Variants in BICD1 observed in about 807,000 individuals in gnomAD.
BICD1 encodes the protein BICD cargo adaptor 1.
Under a neutral mutation model 92.5 loss-of-function variants are expected in BICD1, and 35 were observed. The ratio of observed to expected loss-of-function variants is 0.38; its 90% confidence interval spans 0.29 to 0.50. The LOEUF (loss-of-function observed/expected upper bound fraction) is 0.50. BICD1 is among the 20% of genes least tolerant of loss of function. The pLI is 0.93. For synonymous variants in BICD1, 429 were observed against 465.1 expected (o/e 0.92, Z 1.00); for missense variants, 950 against 1,189.8 (o/e 0.80, Z 2.97).
chr12:32,341,569 T>TTC (rs1938368960), intron 8 of BICD1, among the ~76,000 whole-genome samples: 1 of 152,122 alleles, frequency 6.6e-6, no homozygotes, highest in African/African-American at 2.4e-5. Context: ...ACCTTTATAA[T>TTC]TCTCACCATT....
At chr12:32,304,952 GT>G (rs1948172201) in intron 3 of BICD1, among the ~76,000 whole-genome samples, 1 of 152,190 alleles carries the variant, frequency 6.6e-6, no homozygotes. Context: ...AGCCCGGGAG[GT>G]TGAGGCTGCA....
chr12:32,198,347 T>TATATATATATATATATATTC (rs1441961147), intron 1 of BICD1, among the ~76,000 whole-genome samples: 1 of 141,720 alleles, frequency 7.1e-6, no homozygotes, highest in Non-Finnish European at 1.5e-5. Flanking sequence ...TATATATATA[T>TATATATATATATATATATTC]ATATATTCCA....
rs181329150 is a variant in BICD1 at position 32,365,215 on chromosome 12, C to A, written c.2765-2455C>A. 1.4e-4 allele frequency among the ~76,000 whole-genome samples: 21 copies of A among 152,132 alleles called. No individual in the cohort carries two copies. In the East Asian group the frequency reaches 1.9e-3, roughly 14 times the overall value. ...TTGTGCCATTGCACTCCAGCCTGGGCAACAAGAGCAAAACTCTTGTCTCAA... is the reference window on the plus strand; with the variant it reads ...TTGTGCCATTGCACTCCAGCCTGGGAAACAAGAGCAAAACTCTTGTCTCAA... On this transcript the variant is annotated intron_variant, in intron 8 of 9. Transcript: ENST00000652176.
intron 1 of BICD1, among the ~76,000 whole-genome samples, chr12:32,177,034 G>T (rs1187588577): frequency 6.6e-6 from 1 of 151,248 alleles, no homozygotes; most frequent in East Asian, 1.9e-4. Context: ...CAGTTTTTTG[G>T]CCGGGCATGG....
intron 8 of BICD1, among the ~76,000 whole-genome samples, chr12:32,357,561 T>C (rs2728685): frequency 0.97 from 147,423 of 152,208 alleles, 71,584 homozygotes; most frequent in East Asian, 1. Context: ...GCTTCCATCA[T>C]GAATGACCAC....
chr12:32,371,420 AAAGTT>A (rs1212967464), intron 9 of BICD1, among the ~76,000 whole-genome samples: 3 of 152,348 alleles, frequency 2.0e-5, no homozygotes, highest in Non-Finnish European at 4.4e-5. Context: ...TCTTGGCAGA[AAAGTT>A]AACACATAGC....
At chr12:32,314,181 G>T (rs1241525901) in intron 4 of BICD1, among the ~76,000 whole-genome samples, 2 of 152,142 alleles carry the variant, frequency 1.3e-5, no homozygotes, top group African/African-American at 2.4e-5. Context: ...TCAGTTGATG[G>T]ACACTTTAGT....
chr12:32,229,593 G>A (rs1236324793), intron 2 of BICD1, among the ~76,000 whole-genome samples: 1 of 152,204 alleles, frequency 6.6e-6, no homozygotes, highest in Non-Finnish European at 1.5e-5. Flanking sequence ...GGGGTCATTG[G>A]TCACCTCAGT....
At chr12:32,319,982 C>T (rs915936003) in intron 4 of BICD1, among the ~76,000 whole-genome samples, 4 of 152,192 alleles carry the variant, frequency 2.6e-5, no homozygotes, top group African/African-American at 9.6e-5. Context: ...TCACCACACA[C>T]TCTAAAGTAG....
chr12:32,361,796 T>C (rs1388670311), intron 8 of BICD1, among the ~76,000 whole-genome samples: 5 of 152,134 alleles, frequency 3.3e-5, no homozygotes, highest in African/African-American at 4.8e-5. Context: ...AGGAGACTGT[T>C]TGCCACAAAG....
chr12:32,305,765 G>T lies in BICD1; in HGVS notation c.648G>T (p.Gln216His). 6.2e-7 allele frequency: 1 copy of T among 1,614,176 alleles called. No homozygotes were observed. Among genetic ancestry groups the T allele is most frequent in the African/African-American group, 1.3e-5 (1 of 75,046 alleles). ...AGGAGACGGTACTGCTGAACAGCCAGCTGGAAGATGCCATCCGATTGAAAG... is the reference window on the plus strand; with the variant it reads ...AGGAGACGGTACTGCTGAACAGCCATCTGGAAGATGCCATCCGATTGAAAG... The part of the protein sequence containing the change: ...FEEETVLLNS[Q>H]LEDAIRLKEI... Residue 216 changes from glutamine to histidine, a missense_variant, in exon 4 of 10, where the codon CAG (glutamine) becomes CAT (histidine). Transcript: ENST00000652176.
chr12:32,233,900 G>T (rs1945979515), intron 2 of BICD1, among the ~76,000 whole-genome samples: 1 of 152,034 alleles, frequency 6.6e-6, no homozygotes, highest in South Asian at 2.1e-4. Context: ...ATTCTCCTAA[G>T]GGAATTTACA....
intron 1 of BICD1, among the ~76,000 whole-genome samples, chr12:32,121,089 C>T (rs1300792334): frequency 2.6e-5 from 4 of 151,616 alleles, no homozygotes; most frequent in African/African-American, 4.8e-5. Context: ...CTGCCTCAGC[C>T]TCCCGAGTAG....
chr12:32,373,643 C>A (rs991516519), intron 9 of BICD1, among the ~76,000 whole-genome samples: 9 of 151,458 alleles, frequency 5.9e-5, no homozygotes, highest in African/African-American at 2.2e-4. Flanking sequence ...GAGGCTGAGG[C>A]GGGTGGATCA....
At chr12:32,276,991 C>T (rs989471572) in intron 2 of BICD1, among the ~76,000 whole-genome samples, 1 of 152,046 alleles carries the variant, frequency 6.6e-6, no homozygotes, top group African/African-American at 2.4e-5. Context: ...CTCTGGACGT[C>T]CCCCCCTACT....
rs751235193 is a variant in BICD1 at position 32,337,529 on chromosome 12, G to C, written c.2283G>C (p.Glu761Asp). The change falls in exon 7 of 10, where the codon GAG (glutamate) becomes GAC (aspartate). Residue 761 changes from glutamate (E) to aspartate (D), a missense_variant. By Grantham distance (45) the Glu-to-Asp change is conservative (BLOSUM62 2). Around this residue, in one of 5 missense-constraint regions of BICD1, gnomAD observed 309 missense variants for 499.4 expected, o/e 0.62. Transcript: ENST00000652176. This position sits in a 1 kb window ranked among gnomAD's most constrained non-coding sequence, Gnocchi z 4.7. ...RCDEYVTQLD[E>D]MQRQLAAAED... ...ATGAATATGTCACCCAGTTGGATGA[G>C]ATGCAGAGACAGTTAGCAGCTGCAG... is the stretch of plus-strand genomic sequence containing the variant. 1.2e-6 allele frequency: 2 copies of C among 1,613,104 alleles called. No individual in the cohort carries two copies. The highest frequency in any genetic ancestry group is 1.1e-5 in the South Asian group (1 of 91,076).
At chr12:32,234,715 G>T (rs1443628425) in intron 2 of BICD1, among the ~76,000 whole-genome samples, 3 of 114,044 alleles carry the variant, frequency 2.6e-5, no homozygotes, top group African/African-American at 3.5e-5. Context: ...TCACTCTGTT[G>T]CCCAGGCTGG....
intron 1 of BICD1, among the ~76,000 whole-genome samples, chr12:32,139,638 C>T (rs759035144): frequency 5.3e-5 from 8 of 152,202 alleles, no homozygotes; most frequent in Non-Finnish European, 1.0e-4. Context: ...TCTCGGCTCA[C>T]TGCAACCTCC....
intron 4 of BICD1, among the ~76,000 whole-genome samples, chr12:32,317,551 GTTGT>G (rs1304209367): frequency 1.3e-5 from 2 of 152,146 alleles, no homozygotes; most frequent in Admixed American, 1.3e-4. Context: ...TTTTGATGGG[GTTGT>G]TTGTTTTTTT....
Sources: allele counts gnomAD v4.1 joint callset (sites outside exome capture counted in the v4.1 genomes callset), GRCh38; gene constraint gnomAD v4.1.1; regional missense constraint gnomAD v4.1.1; non-coding constraint Gnocchi (gnomAD v3.1); transcripts MANE v1.5; gene names NCBI Gene and HGNC (gene_info 2026-07-23, HGNC 2026-07-21).